Variants in WDR64 observed in about 807,000 individuals in gnomAD.
WDR64 encodes WD repeat domain 64.
WDR64 carries 112 observed loss-of-function variants against 139.3 expected under a neutral mutation model. That is an observed-to-expected ratio of 0.80 (90% confidence interval 0.69 to 0.94). The LOEUF (loss-of-function observed/expected upper bound fraction) is 0.94. Ranked by LOEUF, WDR64 falls within the 40% of genes least tolerant of loss-of-function variation. WDR64 has a pLI of 0.00. For missense variants in WDR64, 1,206 were observed against 1,293.1 expected (o/e 0.93, Z 1.03); for synonymous variants, 444 against 437.7 (o/e 1.01, Z -0.18).
intron 10 of WDR64, among the ~76,000 whole-genome samples, chr1:241,735,855 C>CTGTG (rs59974714): frequency 4.3e-3 from 308 of 71,682 alleles, no homozygotes; most frequent in South Asian, 5.4e-3. Flanking sequence ...CTCTCTCTCT[C>CTGTG]TGTGTGTGTG....
At chr1:241,747,839 T>C (rs1246115434) in intron 13 of WDR64, among the ~76,000 whole-genome samples, 1 of 152,168 alleles carries the variant, frequency 6.6e-6, no homozygotes, top group Non-Finnish European at 1.5e-5. Flanking sequence ...ATTACTGTCT[T>C]ACCTAGGGCA....
intron 12 of WDR64, among the ~76,000 whole-genome samples, chr1:241,743,449 C>T (rs1669628983): frequency 6.6e-6 from 1 of 152,150 alleles, no homozygotes; most frequent in African/African-American, 2.4e-5. Context: ...GGCAAGTGGC[C>T]CTTCATTATC....
intron 1 of WDR64, among the ~76,000 whole-genome samples, chr1:241,652,924 C>T (rs74496132): frequency 0.011 from 1,641 of 152,316 alleles, 32 homozygotes; most frequent in African/African-American, 0.036. Context: ...CTTCTGTAGA[C>T]GCTGCCATTT....
At chr1:241,677,332 A>T (rs1414965797) in intron 4 of WDR64, 3 of 398,468 alleles carry the variant, frequency 7.5e-6, no homozygotes, top group Non-Finnish European at 8.8e-6. Context: ...TATTTTTTCC[A>T]CCTAGAAGTC....
chr1:241,712,585 T>C (rs999702187), intron 9 of WDR64, among the ~76,000 whole-genome samples: 2 of 152,168 alleles, frequency 1.3e-5, no homozygotes, highest in African/African-American at 4.8e-5. Flanking sequence ...CCTGGCTCTC[T>C]CACTTGCGAG....
chr1:241,696,379 C>CA (rs1190401089), intron 8 of WDR64, among the ~76,000 whole-genome samples: 1 of 151,808 alleles, frequency 6.6e-6, no homozygotes, highest in Non-Finnish European at 1.5e-5. Flanking sequence ...GGACCTCACG[C>CA]AAAAAAGAAT....
chr1:241,716,929 A>G (rs1488942529), intron 9 of WDR64, among the ~76,000 whole-genome samples: 1 of 152,124 alleles, frequency 6.6e-6, no homozygotes, highest in African/African-American at 2.4e-5. Flanking sequence ...GCAGATCTCT[A>G]TTGCATTCTT....
intron 10 of WDR64, among the ~76,000 whole-genome samples, chr1:241,729,104 T>A (rs1668974017): frequency 6.6e-6 from 1 of 152,230 alleles, no homozygotes; most frequent in Non-Finnish European, 1.5e-5. Flanking sequence ...ATCATTTGTT[T>A]CCCAGAGAGC....
chr1:241,661,834 T>C lies in WDR64; in HGVS notation c.276+1174T>C, dbSNP rs79196009. On this transcript the variant is annotated intron_variant, in intron 2 of 27. Coordinates refer to ENST00000437684, the MANE Select transcript of WDR64 (RefSeq NM_001367482.1). ...CTAAGGCCTATGGGCCAAATCTGGATAGACAGCCACCTTTGTTGTGAATAA... is the reference window on the plus strand; with the variant it reads ...CTAAGGCCTATGGGCCAAATCTGGACAGACAGCCACCTTTGTTGTGAATAA... Among the ~76,000 whole-genome samples, 1,490 of 152,322 alleles carry C rather than the reference T, an allele frequency of 9.8e-3. 18 individuals are homozygous for C. The highest frequency in any genetic ancestry group is 0.031 in the Middle Eastern group (9 of 294).
intron 8 of WDR64, among the ~76,000 whole-genome samples, chr1:241,705,113 G>A (rs1016759131): frequency 1.3e-5 from 2 of 152,160 alleles, no homozygotes; most frequent in African/African-American, 4.8e-5. Context: ...GTGGGGAAAC[G>A]CATCTAGCTC....
chr1:241,737,709 A>ATT (rs1669380596), intron 10 of WDR64, among the ~76,000 whole-genome samples: 1 of 152,196 alleles, frequency 6.6e-6, no homozygotes, highest in Admixed American at 6.5e-5. Flanking sequence ...GACTTAACCT[A>ATT]GTTTTGCAGA....
intron 13 of WDR64, among the ~76,000 whole-genome samples, 192 bp downstream of exon 13, chr1:241,744,708 G>C (rs1443649388): frequency 5.3e-5 from 8 of 152,212 alleles, no homozygotes; most frequent in African/African-American, 1.9e-4. Flanking sequence ...GTCTTGATAT[G>C]ATGTTAAAAA....
At chr1:241,662,688 G>T (rs184697044) in intron 2 of WDR64, among the ~76,000 whole-genome samples, 1 of 152,188 alleles carries the variant, frequency 6.6e-6, no homozygotes, top group Non-Finnish European at 1.5e-5. Context: ...AGTGTGACTT[G>T]TGTGTCTGGG....
At chr1:241,744,540 G>A in intron 13 of WDR64, 24 bp downstream of exon 13, 3 of 1,611,952 alleles carry the variant, frequency 1.9e-6, no homozygotes, top group South Asian at 1.1e-5. Flanking sequence ...CCAGAATGTG[G>A]CGTCCCTGCT....
intron 25 of WDR64, 23 bp downstream of exon 25, chr1:241,790,719 A>C: frequency 6.7e-7 from 1 of 1,484,594 alleles, no homozygotes; most frequent in Non-Finnish European, 9.2e-7. Context: ...AAAAAAAAAA[A>C]AAGAAATGGC....
At chr1:241,750,316 C>A (rs560086431) in intron 14 of WDR64, among the ~76,000 whole-genome samples, 1 of 152,198 alleles carries the variant, frequency 6.6e-6, no homozygotes, top group African/African-American at 2.4e-5. Flanking sequence ...GGATCTCACC[C>A]CATCACCTCG....
chr1:241,771,941 CATACATAT>C (rs56071182), intron 19 of WDR64, among the ~76,000 whole-genome samples: 400 of 28,808 alleles, frequency 0.014, no homozygotes, highest in Middle Eastern at 0.075. Context: ...TACATACATA[CATACATAT>C]ATATATATAT....
intron 17 of WDR64, among the ~76,000 whole-genome samples, chr1:241,769,867 T>G (rs1490764678): frequency 6.6e-6 from 1 of 152,220 alleles, no homozygotes; most frequent in Non-Finnish European, 1.5e-5. Flanking sequence ...AGGAAGGACT[T>G]GCAAGGCAAG....
At chr1:241,792,269 G>A (rs1457415703) in intron 25 of WDR64, among the ~76,000 whole-genome samples, 2 of 152,172 alleles carry the variant, frequency 1.3e-5, no homozygotes, top group Non-Finnish European at 2.9e-5. Flanking sequence ...GGGTGCGGTG[G>A]CTCACGCCTG....
Sources: allele counts gnomAD v4.1 joint callset (sites outside exome capture counted in the v4.1 genomes callset), GRCh38; gene constraint gnomAD v4.1.1; transcripts MANE v1.5; gene names NCBI Gene and HGNC (gene_info 2026-07-23, HGNC 2026-07-21).